Variants in ZNF280D observed in about 807,000 individuals in gnomAD.
ZNF280D encodes zinc finger protein 280D.
A neutral mutation model predicts 94.7 loss-of-function variants in ZNF280D; 39 were observed. That is an observed-to-expected ratio of 0.41 (90% CI 0.32 to 0.54). The LOEUF is 0.54. Ranked by LOEUF, ZNF280D falls within the 20% of genes least tolerant of loss-of-function variation. The pLI is 0.22. For synonymous variants in ZNF280D, 398 were observed against 377.6 expected, an observed-to-expected ratio of 1.05 and a Z score of -0.63; for missense variants, 1,090 against 1,149.3, an observed-to-expected ratio of 0.95 and a Z score of 0.75.
At chr15:56,698,915 A>G (rs1206340703) in intron 6 of ZNF280D, 3 of 152,194 alleles carry the variant, frequency 2.0e-5, no homozygotes, top group African/African-American at 7.2e-5. Context: ...AGAATTTCAG[A>G]TGAAACTGCA....
intron 19 of ZNF280D, among the ~76,000 whole-genome samples, chr15:56,648,476 G>A (rs1326493445): frequency 6.6e-6 from 1 of 151,692 alleles, no homozygotes; most frequent in African/African-American, 2.4e-5. Context: ...TCACAAACAA[G>A]GCAGGATGTA....
At chr15:56,653,391 C>G (rs890636144) in intron 19 of ZNF280D, 21 of 1,313,286 alleles carry the variant, frequency 1.6e-5, no homozygotes, top group Non-Finnish European at 1.9e-5. Flanking sequence ...TCTGGCCAAA[C>G]AACATCAGCC....
intron 1 of ZNF280D, 29 bp downstream of exon 1, chr15:56,733,429 A>AGGGCGGGCGG (rs1383342711): frequency 9.5e-7 from 1 of 1,047,596 alleles, no homozygotes; most frequent in Admixed American, 5.9e-5. Context: ...GCTGCAGCGC[A>AGGGCGGGCGG]GGGCGGGCGG....
intron 11 of ZNF280D, 145 bp downstream of exon 11, chr15:56,678,519 G>T: frequency 1.7e-6 from 1 of 605,134 alleles, no homozygotes; most frequent in Non-Finnish European, 2.6e-6. Flanking sequence ...GTTTATCACA[G>T]TTAAAACTTG....
intron 1 of ZNF280D, among the ~76,000 whole-genome samples, chr15:56,715,222 T>G (rs1480413067): frequency 6.6e-6 from 1 of 152,196 alleles, no homozygotes; most frequent in Non-Finnish European, 1.5e-5. Flanking sequence ...GGAAATACCC[T>G]ATCATGGAAG....
At position 56,689,186 on chromosome 15, in the gene ZNF280D, C is replaced by T. The variant is rs1402915746; in HGVS notation, c.671-36G>A. ...TTCAGAACATTTATGACTCAAAATT[C>T]ATCACTTTTTAACCTTAAATAACCA... On this transcript the variant is annotated intron_variant, in intron 8 of 21. Transcript: ENST00000267807. 1.9e-6 allele frequency: 3 copies of T among 1,579,760 alleles called. No individual in the cohort carries two copies. The African/African-American group carries it at 4.1e-5, about 22-fold the overall frequency.
At chr15:56,671,440 C>T (rs1183765118) in intron 13 of ZNF280D, among the ~76,000 whole-genome samples, 1 of 152,082 alleles carries the variant, frequency 6.6e-6, no homozygotes, top group Non-Finnish European at 1.5e-5. Context: ...GGAATCCTTT[C>T]CCCATAGCTT....
intron 19 of ZNF280D, among the ~76,000 whole-genome samples, chr15:56,647,254 T>G (rs572936770): frequency 1.3e-5 from 2 of 152,212 alleles, no homozygotes; most frequent in East Asian, 3.9e-4. Context: ...TTTAGGGAGA[T>G]GAGAACAAGT....
At chr15:56,677,470 A>G (rs2055309291) in intron 12 of ZNF280D, 104 bp downstream of exon 12, 1 of 730,680 alleles carries the variant, frequency 1.4e-6, no homozygotes, top group Non-Finnish European at 2.4e-6. Context: ...AGTTATGCCA[A>G]GTTATGCATA....
chr15:56,654,289 G>C, intron 18 of ZNF280D, 55 bp from the exon 19 acceptor site: 2 of 1,597,662 alleles, frequency 1.3e-6, no homozygotes, highest in East Asian at 2.2e-5. Context: ...TATGATGAGT[G>C]AGAATAATGA....
chr15:56,730,966 T>C (rs1357935791), intron 1 of ZNF280D, among the ~76,000 whole-genome samples: 3 of 152,188 alleles, frequency 2.0e-5, no homozygotes, highest in African/African-American at 7.2e-5. Context: ...TTAGGATTAT[T>C]AATAAGACAA....
intron 16 of ZNF280D, among the ~76,000 whole-genome samples, chr15:56,663,408 T>C (rs2054087509): frequency 6.6e-6 from 1 of 151,858 alleles, no homozygotes; most frequent in South Asian, 2.1e-4. Context: ...AAAGACCAAT[T>C]GAGAGGCTAC....
chr15:56,645,557 G>A (rs1443558564), intron 19 of ZNF280D, among the ~76,000 whole-genome samples: 2 of 151,916 alleles, frequency 1.3e-5, no homozygotes, highest in Non-Finnish European at 2.9e-5. Context: ...TTTTTGTTTT[G>A]TTTTTGCAGA....
chr15:56,697,207 T>C (rs2056805038), intron 6 of ZNF280D, among the ~76,000 whole-genome samples: 1 of 151,892 alleles, frequency 6.6e-6, no homozygotes, highest in Non-Finnish European at 1.5e-5. Flanking sequence ...TTTTTTGAGA[T>C]GGAGTCTCAC....
intron 16 of ZNF280D, among the ~76,000 whole-genome samples, chr15:56,663,201 C>G (rs2054066064): frequency 6.8e-6 from 1 of 146,274 alleles, no homozygotes; most frequent in Non-Finnish European, 1.5e-5. Context: ...GGAGGATCAC[C>G]TGAGCCCAGA....
intron 19 of ZNF280D, chr15:56,653,082 T>TA (rs1566937740): frequency 2.0e-6 from 2 of 984,682 alleles, no homozygotes; most frequent in East Asian, 1.1e-4. Flanking sequence ...TACTGGTTAA[T>TA]AGATTTTATA....
At chr15:56,639,085 G>T (rs1351013893) in intron 20 of ZNF280D, among the ~76,000 whole-genome samples, 4 of 151,718 alleles carry the variant, frequency 2.6e-5, no homozygotes, top group Non-Finnish European at 4.4e-5. Context: ...CTCCAAAGAG[G>T]TATATGTTAT....
At chr15:56,649,549 G>A (rs1190483112) in intron 19 of ZNF280D, among the ~76,000 whole-genome samples, 1 of 151,772 alleles carries the variant, frequency 6.6e-6, no homozygotes, top group African/African-American at 2.4e-5. Context: ...TAAAATCCCG[G>A]TCACATTTCA....
intron 13 of ZNF280D, among the ~76,000 whole-genome samples, chr15:56,674,991 AT>A (rs764532884): frequency 3.9e-5 from 6 of 152,022 alleles, no homozygotes; most frequent in Non-Finnish European, 8.8e-5. Context: ...CCACTCAGCT[AT>A]GGTTTTCCAG....
Sources: gnomAD v4.1 joint callset for allele counts (sites outside exome capture counted in the v4.1 genomes callset) on GRCh38, gnomAD v4.1.1 for gene constraint, MANE v1.5 for transcripts, NCBI Gene and HGNC (gene_info 2026-07-23, HGNC 2026-07-21) for gene names.